The following ZFP64 variants were observed in gnomAD, a reference collection of about 807,000 sequenced individuals.
ZFP64 encodes zinc finger protein 64.
Under a neutral mutation model 51.6 loss-of-function variants are expected in ZFP64, and 14 were observed. The observed-to-expected ratio is 0.27, with a 90% confidence interval of 0.18 to 0.42. The LOEUF (loss-of-function observed/expected upper bound fraction) is 0.42. Among genes scored for constraint, ZFP64 ranks in the 10% least tolerant of loss-of-function variants. The pLI is 1.00. For synonymous variants in ZFP64, 375 were observed against 361.4 expected (o/e 1.04, Z -0.43); for missense variants, 754 against 906.8 (o/e 0.83, Z 2.16).
rs1411402433 is a variant in ZFP64 at position 52,152,692 on chromosome 20, G to A, written c.1500C>T (p.Ile500=). 3.2e-6 allele frequency: 5 copies of A among 1,549,292 alleles called. No homozygotes were observed. Among genetic ancestry groups the A allele is most frequent in the South Asian group, 1.2e-5 (1 of 80,550 alleles). Residue 500 remains isoleucine, a synonymous_variant, in exon 6 of 6, where the codon ATC becomes ATT. Transcript: ENST00000216923. ...TCGCCTGGGGCACCTGATGCCCAACGATGATTTTGACTCTTCCCTCGCTGA... is the reference window on the plus strand; with the variant it reads ...TCGCCTGGGGCACCTGATGCCCAACAATGATTTTGACTCTTCCCTCGCTGA... ...PQFSEGRVKI[I]VGHQVPQANT... is the part of the protein sequence containing the mutation.
chr20:52,091,385 T>C (rs1266223459), intron 7 of ZFP64, among the ~76,000 whole-genome samples: 1 of 152,018 alleles, frequency 6.6e-6, no homozygotes, highest in Non-Finnish European at 1.5e-5. Flanking sequence ...AAAAAGCCAC[T>C]AAATGCTCTG....
In ZFP64 at chr20:52,174,448, G is replaced by A. The variant is rs868692677; in HGVS notation, c.287-8423C>T. On this transcript the variant is annotated intron_variant, in intron 2 of 5. Coordinates refer to ENST00000216923, the MANE Select transcript of ZFP64 (RefSeq NM_018197.3). ...CAGTGGGCCAAGATCGCGTCATTGC[G>A]CTCCAGCCTGGGCAACAGAGTGAGG... Among the ~76,000 whole-genome samples the A allele has an allele frequency of 1.3e-4, 18 of 135,068 alleles. 1 individual carries two copies. In the Middle Eastern group the frequency reaches 0.015, roughly 111 times the overall value. The allele number at this position is 135,068 out of a possible 152,430, so 88.6% of individuals were successfully genotyped here.
chr20:52,149,535 T>TGGG (rs1342682200), downstream of ZFP64, among the ~76,000 whole-genome samples: 1 of 152,190 alleles, frequency 6.6e-6, no homozygotes, highest in Non-Finnish European at 1.5e-5. Flanking sequence ...CTTTTCTATG[T>TGGG]TATCTTTTGA....
chr20:52,158,346 A>AT (rs1981492751), intron 5 of ZFP64, among the ~76,000 whole-genome samples: 1 of 152,122 alleles, frequency 6.6e-6, no homozygotes, highest in African/African-American at 2.4e-5. Flanking sequence ...TTGTTAATGC[A>AT]TTTTGCCTGT....
chr20:52,089,825 A>G (rs749014409), intron 7 of ZFP64, among the ~76,000 whole-genome samples: 2 of 152,078 alleles, frequency 1.3e-5, no homozygotes, highest in Non-Finnish European at 2.9e-5. Context: ...CATCTATGGT[A>G]AAAATGCACT....
intron 5 of ZFP64, among the ~76,000 whole-genome samples, chr20:52,138,748 A>C (rs1980108720): frequency 6.6e-6 from 1 of 152,214 alleles, no homozygotes; most frequent in African/African-American, 2.4e-5. Context: ...AGAGTTTACC[A>C]AATAGATACA....
chr20:52,186,701 C>T, intron 2 of ZFP64, 131 bp downstream of exon 2: 1 of 1,303,622 alleles, frequency 7.7e-7, no homozygotes, highest in Non-Finnish European at 1.0e-6. Context: ...CCTGGTGGAG[C>T]TTGTTAAAAA....
intron 5 of ZFP64, among the ~76,000 whole-genome samples, chr20:52,136,027 A>T (rs1420671050): frequency 4.7e-5 from 6 of 128,030 alleles, no homozygotes; most frequent in Non-Finnish European, 6.3e-5. Context: ...TGAATCAGGG[A>T]GGTGGAGGTT....
intron 7 of ZFP64, chr20:52,097,082 T>A: frequency 1.4e-6 from 1 of 711,630 alleles, no homozygotes; most frequent in Non-Finnish European, 2.7e-6. Context: ...CTTCAGCAGG[T>A]CTTATTTCTC....
chr20:52,164,012 C>T (rs1202721139), intron 4 of ZFP64, among the ~76,000 whole-genome samples: 1 of 152,102 alleles, frequency 6.6e-6, no homozygotes, highest in African/African-American at 2.4e-5. Context: ...CATAAAGATA[C>T]ATAAAATGAA....
At position 52,152,431 on chromosome 20, in the gene ZFP64, G is replaced by A. The variant is rs1271748632; in HGVS notation, c.1761C>T (p.Ile587=). 4.3e-6 allele frequency: 7 copies of A among 1,614,066 alleles called. No individual in the cohort carries two copies. The South Asian group carries it at 4.4e-5, about 10-fold the overall frequency. ...TDGATLHQTL[I]PTASGGPQEG... ...CCTGGGGGCCACCTGAGGCCGTGGGGATGAGAGTCTGGTGCAGAGTGGCTC... is the reference window on the plus strand; with the variant it reads ...CCTGGGGGCCACCTGAGGCCGTGGGAATGAGAGTCTGGTGCAGAGTGGCTC... The change falls in exon 6 of 6, where the codon ATC becomes ATT. Residue 587 remains isoleucine (I), a synonymous_variant. Transcript: ENST00000216923.
At chr20:52,174,992 T>G (rs1044652967) in intron 2 of ZFP64, among the ~76,000 whole-genome samples, 1 of 152,242 alleles carries the variant, frequency 6.6e-6, no homozygotes, top group Non-Finnish European at 1.5e-5. Flanking sequence ...TTTCAACATT[T>G]ATTTTTCCAA....
chr20:52,103,415 G>A (rs1434497329), intron 5 of ZFP64, among the ~76,000 whole-genome samples: 1 of 152,206 alleles, frequency 6.6e-6, no homozygotes, highest in Non-Finnish European at 1.5e-5. Context: ...TCAGTTGGAA[G>A]ACGGTTTTTT....
At chr20:52,158,669 G>A (rs954160392) in intron 5 of ZFP64, among the ~76,000 whole-genome samples, 2 of 152,080 alleles carry the variant, frequency 1.3e-5, no homozygotes, top group Admixed American at 6.5e-5. Context: ...TCACGCCACT[G>A]CACTCCAGCC....
chr20:52,146,856 T>G (rs1409598060), downstream of ZFP64, among the ~76,000 whole-genome samples: 1 of 152,182 alleles, frequency 6.6e-6, no homozygotes, highest in Non-Finnish European at 1.5e-5. Context: ...GATAAGATAT[T>G]AGAAAACGAA....
At chr20:52,171,016 T>C (rs763948316) in intron 2 of ZFP64, among the ~76,000 whole-genome samples, 5 of 152,256 alleles carry the variant, frequency 3.3e-5, no homozygotes, top group African/African-American at 4.8e-5. Context: ...AGGTAACATT[T>C]GAATATAAAA....
chr20:52,185,636 G>A (rs1044857729), intron 2 of ZFP64, among the ~76,000 whole-genome samples: 1 of 144,500 alleles, frequency 6.9e-6, no homozygotes, highest in Non-Finnish European at 1.5e-5. Flanking sequence ...GCTGGAGTGC[G>A]ATGGCACGAT....
intron 1 of ZFP64, among the ~76,000 whole-genome samples, chr20:52,188,320 T>C (rs1307016128): frequency 1.4e-5 from 2 of 141,180 alleles, no homozygotes; most frequent in Non-Finnish European, 3.1e-5. Context: ...TTTTTTTTTT[T>C]TTTTTTTTTT....
At chr20:52,181,045 C>A (rs150692098) in intron 2 of ZFP64, among the ~76,000 whole-genome samples, 1 of 152,156 alleles carries the variant, frequency 6.6e-6, no homozygotes, top group Non-Finnish European at 1.5e-5. Flanking sequence ...CAGGTTCAAG[C>A]GATTCTCCTG....
Sources: allele counts gnomAD v4.1 joint callset (sites outside exome capture counted in the v4.1 genomes callset), GRCh38; gene constraint gnomAD v4.1.1; transcripts MANE v1.5; gene names NCBI Gene and HGNC (gene_info 2026-07-23, HGNC 2026-07-21).